ABRAXAS1: variants seen among roughly 807,000 people sequenced by gnomAD.
The protein encoded by ABRAXAS1 is BRCA1-A complex subunit Abraxas 1.
A neutral mutation model predicts 38.4 loss-of-function variants in ABRAXAS1; 26 were observed. The observed-to-expected ratio is 0.68, with a 90% confidence interval of 0.50 to 0.94. The LOEUF is 0.94. Ranked by LOEUF, ABRAXAS1 falls within the 40% of genes least tolerant of loss-of-function variation. The pLI is 0.00. For missense variants in ABRAXAS1, 438 were observed against 481.9 expected (o/e 0.91, Z 0.85); for synonymous variants, 144 against 165.5 (o/e 0.87, Z 1.00).
At chr4:83,481,576 C>A (rs569661580) in intron 2 of ABRAXAS1, among the ~76,000 whole-genome samples, 2 of 152,128 alleles carry the variant, frequency 1.3e-5, no homozygotes, top group Non-Finnish European at 2.9e-5. Flanking sequence ...TTCCTATTGC[C>A]GGGCCATCTT....
At chr4:83,478,729 T>G (rs1722875695) in intron 2 of ABRAXAS1, 1 of 176,160 alleles carries the variant, frequency 5.7e-6, no homozygotes, top group South Asian at 1.4e-4. Flanking sequence ...GGGTTAAATG[T>G]AACTGGTTGG....
chr4:83,469,540 C>T (rs1317942714), intron 5 of ABRAXAS1: 3 of 194,042 alleles, frequency 1.5e-5, no homozygotes, highest in African/African-American at 2.3e-5. Context: ...ATCCTCCTGC[C>T]TTGGCCTCCC....
rs548111360 is a variant in ABRAXAS1, at chr4:83,464,648, C to T, written c.682-1040G>A. 2.6e-5 allele frequency among the ~76,000 whole-genome samples: 4 copies of T among 152,198 alleles called. No individual in the cohort carries two copies. In the South Asian group the frequency reaches 6.2e-4, roughly 24 times the overall value. On this transcript the variant is annotated intron_variant, in intron 7 of 8. Transcript: ENST00000321945. ...CCTGACATAAGAGTTTGCCAGTTACCCCTGTACCCACCTTTCACCAGAGCT... is the reference window on the plus strand; with the variant it reads ...CCTGACATAAGAGTTTGCCAGTTACTCCTGTACCCACCTTTCACCAGAGCT...
At position 83,468,280 on chromosome 4, in the gene ABRAXAS1, G is replaced by A. The variant is rs534456285; in HGVS notation, c.597-742C>T. Among the ~76,000 whole-genome samples, 6 of 149,472 alleles carry A rather than the reference G, an allele frequency of 4.0e-5. No homozygotes were observed. The East Asian group carries it at 1.2e-3, about 29-fold the overall frequency. The stretch of plus-strand genomic sequence containing the variant: ...AAATCATGCCATTACACCCCGGCCT[G>A]GACAACAAGAGTGAAACTCTGTCTT... On this transcript the variant is annotated intron_variant, in intron 6 of 8. Coordinates refer to ENST00000321945, the MANE Select transcript of ABRAXAS1 (RefSeq NM_139076.3).
chr4:83,476,691 G>C lies in ABRAXAS1; in HGVS notation c.179-12C>G, dbSNP rs773912114. ...ATATTTCTGAATGTCTGGAAGAAAA[G>C]GATTTTTAGTTATGATTACATTAAT... On this transcript the variant is annotated splice_polypyrimidine_tract_variant and intron_variant, in intron 2 of 8. Coordinates refer to ENST00000321945, the MANE Select transcript of ABRAXAS1 (RefSeq NM_139076.3). 1.1e-5 allele frequency: 17 copies of C among 1,531,450 alleles called. No homozygotes were observed. Among genetic ancestry groups the C allele is most frequent in the African/African-American group, 2.7e-5 (2 of 73,236 alleles). 94.9% of individuals were successfully genotyped at this position (1,531,450 alleles called of 1,614,324 possible).
intron 1 of ABRAXAS1, among the ~76,000 whole-genome samples, chr4:83,482,497 C>A (rs535267591): frequency 6.6e-6 from 1 of 152,218 alleles, no homozygotes; most frequent in East Asian, 1.9e-4. Flanking sequence ...TAGTTTGAAC[C>A]CAGGAGTTAA....
At chr4:83,463,024 A>C (rs1367515509) in intron 8 of ABRAXAS1, 122 bp from the exon 9 acceptor site, 1 of 650,794 alleles carries the variant, frequency 1.5e-6, no homozygotes, top group African/African-American at 1.8e-5. Context: ...TAAAGTGAGG[A>C]TAACATACAT....
At chr4:83,475,510 C>T (rs1722732624) in intron 3 of ABRAXAS1, among the ~76,000 whole-genome samples, 1 of 152,082 alleles carries the variant, frequency 6.6e-6, no homozygotes, top group Non-Finnish European at 1.5e-5. Flanking sequence ...GTGGCATGAC[C>T]TCAGCTCACT....
At chr4:83,480,376 C>G in intron 2 of ABRAXAS1, 1 of 426,588 alleles carries the variant, frequency 2.3e-6, no homozygotes, top group Non-Finnish European at 4.6e-6. Context: ...CATCTCAAAA[C>G]AAAAACAAAA....
intron 7 of ABRAXAS1, among the ~76,000 whole-genome samples, chr4:83,466,072 G>C (rs1722341901): frequency 6.6e-6 from 1 of 152,132 alleles, no homozygotes; most frequent in African/African-American, 2.4e-5. Flanking sequence ...AGGTATTAGT[G>C]CAAGTCCATG....
intron 5 of ABRAXAS1, 103 bp from the exon 6 acceptor site, chr4:83,469,254 C>T (rs1171670428): frequency 1.0e-6 from 1 of 995,708 alleles, no homozygotes; most frequent in South Asian, 1.5e-5. Context: ...TAAAAAAATA[C>T]ACCCCCCAAA....
intron 2 of ABRAXAS1, chr4:83,477,574 C>G (rs1365961762): frequency 1.2e-5 from 6 of 486,940 alleles, no homozygotes; most frequent in Non-Finnish European, 2.4e-5. Flanking sequence ...ACTGGAAACC[C>G]TTTGTATATG....
chr4:83,470,333 G>A lies in ABRAXAS1; in HGVS notation c.346C>T (p.Leu116=). 2 of 1,613,880 alleles carry A rather than the reference G, an allele frequency of 1.2e-6. No homozygotes were observed. Among genetic ancestry groups the A allele is most frequent in the Non-Finnish European group, 1.7e-6 (2 of 1,179,860 alleles). The change falls in exon 5 of 9, where the codon CTG becomes TTG. Residue 116 remains leucine, a synonymous_variant. Transcript: ENST00000321945. ...TGCTCCTGCAAGTTTTTGTGAAGCA[G>A]CCTCTCTCTAAACGTCATGATCTGA... ...SDQIMTFRER[L]LHKNLQEHFS...
rs1264144795 is a variant in ABRAXAS1, at chr4:83,466,478, T to G, written c.681+976A>C. 2.6e-5 allele frequency among the ~76,000 whole-genome samples: 4 copies of G among 152,186 alleles called. No homozygotes were observed. The East Asian group carries it at 7.7e-4, about 29-fold the overall frequency. ...GTGATGTGTTCAGGCCAGTGAAATG[T>G]GAGTAGAAGTGACATGGCCGTTTTA... On this transcript the variant is annotated intron_variant, in intron 7 of 8. Coordinates refer to ENST00000321945, the MANE Select transcript of ABRAXAS1 (RefSeq NM_139076.3).
intron 3 of ABRAXAS1, among the ~76,000 whole-genome samples, chr4:83,476,032 T>C (rs1300394032): frequency 5.9e-5 from 9 of 152,076 alleles, no homozygotes; most frequent in Non-Finnish European, 1.2e-4. Context: ...CAAAACCCTG[T>C]CTCTACCAAA....
intron 3 of ABRAXAS1, among the ~76,000 whole-genome samples, chr4:83,474,180 T>TAAATAAATAAATAAATAAAA (rs1457672501): frequency 9.3e-4 from 139 of 148,878 alleles, no homozygotes; most frequent in African/African-American, 3.5e-3. Context: ...AATAAATAAA[T>TAAATAAATAAATAAATAAAA]AAAATCTCTA....
intron 1 of ABRAXAS1, 43 bp downstream of exon 1, chr4:83,484,943 T>C (rs1373773564): frequency 6.6e-7 from 1 of 1,504,984 alleles, no homozygotes; most frequent in Non-Finnish European, 9.0e-7. Flanking sequence ...CGCGCAGGGC[T>C]CTTCCCAGGC....
Position 83,461,499 on chromosome 4 carries a change from A to C in ABRAXAS1, c.*970T>G. ...TAAAACTGTTCAGAATGATTTTCCA[A>C]CTAGCAAATATAAGTATGCCTGGTT... On this transcript the variant is annotated 3_prime_UTR_variant, in exon 9 of 9. Transcript: ENST00000321945. The C allele has an allele frequency of 3.0e-6, 1 of 333,970 alleles. No individual in the cohort carries two copies. The highest frequency in any genetic ancestry group is 5.6e-6 in the Non-Finnish European group (1 of 177,074). The allele number at this position is 333,970 out of a possible 1,614,324, so 20.7% of individuals were successfully genotyped here.
chr4:83,483,661 A>C (rs1004073596), intron 1 of ABRAXAS1, among the ~76,000 whole-genome samples: 2 of 152,082 alleles, frequency 1.3e-5, no homozygotes, highest in Non-Finnish European at 2.9e-5. Context: ...ACGCGGGGGG[A>C]TATCCAGAAT....
Sources: gnomAD v4.1 joint callset for allele counts (sites outside exome capture counted in the v4.1 genomes callset) on GRCh38, gnomAD v4.1.1 for gene constraint, MANE v1.5 for transcripts, NCBI Gene and HGNC (gene_info 2026-07-23, HGNC 2026-07-21) for gene names.